CA8: variants seen among roughly 807,000 people sequenced by gnomAD.
CA8 encodes carbonic anhydrase-related protein.
In CA8, 22 loss-of-function variants were observed where a neutral mutation model predicts 41.4. The observed-to-expected ratio is 0.53, with a 90% CI of 0.38 to 0.76. The LOEUF is 0.76. Ranked by LOEUF, CA8 falls within the 30% of genes least tolerant of loss-of-function variation. CA8 has a pLI of 0.00. For missense variants in CA8, 270 were observed against 352.8 expected (o/e 0.77, Z 1.88); for synonymous variants, 121 against 130.6 (o/e 0.93, Z 0.50).
chr8:60,192,975 A>ACACACACACCCC (rs1554573983), intron 8 of CA8, among the ~76,000 whole-genome samples: 1 of 137,370 alleles, frequency 7.3e-6, no homozygotes, highest in East Asian at 2.1e-4. Flanking sequence ...ACACACACAC[A>ACACACACACCCC]CCCCACCCCA....
chr8:60,232,372 A>ACTG lies in CA8; in HGVS notation c.424_425insCAG (p.Leu142delinsProVal). 1 of 1,612,768 alleles carries ACTG rather than the reference A, an allele frequency of 6.2e-7. No homozygotes were observed. The highest frequency in any genetic ancestry group is 8.5e-7 in the Non-Finnish European group (1 of 1,178,716). On this transcript the variant is annotated protein_altering_variant, in exon 4 of 9. Coordinates refer to ENST00000317995, the MANE Select transcript of CA8 (RefSeq NM_004056.6). ...AAACAGAGTGGAGTTCCAGTGGATC[A>ACTG]GATGGAGCTGAGTGAGTGGCAACAG...
intron 2 of CA8, among the ~76,000 whole-genome samples, chr8:60,274,357 T>C (rs1804161862): frequency 6.6e-6 from 1 of 151,810 alleles, no homozygotes; most frequent in Non-Finnish European, 1.5e-5. Context: ...TGGGCGGCGG[T>C]AGGGGGGTGG....
intron 3 of CA8, among the ~76,000 whole-genome samples, chr8:60,255,844 TAAC>T (rs1320849641): frequency 1.3e-5 from 2 of 152,198 alleles, no homozygotes; most frequent in Non-Finnish European, 2.9e-5. Context: ...AGCTTTTGTT[TAAC>T]AACATTTTCC....
At position 60,185,794 on chromosome 8, in the gene CA8, TA is replaced by T; in HGVS notation, c.*4226del. 6.6e-6 allele frequency among the ~76,000 whole-genome samples: 1 copy of T among 151,602 alleles called. No homozygotes were observed. Among genetic ancestry groups the T allele is most frequent in the Non-Finnish European group, 1.5e-5 (1 of 67,872 alleles). On this transcript the variant is annotated 3_prime_UTR_variant, in exon 9 of 9. Transcript: ENST00000317995. ...AGATTTGCCTTATATAAAAATATAT[TA>T]AAAAAAGGACTTCTGCCTGGAATGA... is the stretch of plus-strand genomic sequence containing the variant.
chr8:60,264,122 G>A (rs1288525622), intron 3 of CA8, among the ~76,000 whole-genome samples: 5 of 152,276 alleles, frequency 3.3e-5, no homozygotes, highest in Admixed American at 6.5e-5. Flanking sequence ...CTGCTGAAAC[G>A]TCACCAAGTA....
chr8:60,225,167 G>C (rs1179951680), intron 5 of CA8, among the ~76,000 whole-genome samples: 1 of 152,012 alleles, frequency 6.6e-6, no homozygotes, highest in Non-Finnish European at 1.5e-5. Context: ...AATTTCAAGG[G>C]AATCATTTGT....
intron 4 of CA8, among the ~76,000 whole-genome samples, chr8:60,231,197 A>G (rs930901346): frequency 2.0e-5 from 3 of 152,202 alleles, no homozygotes; most frequent in African/African-American, 7.2e-5. Flanking sequence ...TTCTAGTTAT[A>G]TAACGCCGTT....
At chr8:60,212,966 T>C (rs535150745) in intron 7 of CA8, among the ~76,000 whole-genome samples, 3 of 152,298 alleles carry the variant, frequency 2.0e-5, no homozygotes, top group East Asian at 1.9e-4. Context: ...ATGGTACTAA[T>C]CAAATTAAAA....
chr8:60,228,358 A>G (rs1807513399), intron 4 of CA8, among the ~76,000 whole-genome samples: 1 of 152,158 alleles, frequency 6.6e-6, no homozygotes, highest in African/African-American at 2.4e-5. Flanking sequence ...CCCATTCTTC[A>G]GGAGAAATGG....
intron 3 of CA8, among the ~76,000 whole-genome samples, chr8:60,233,384 T>A (rs934783460): frequency 2.6e-5 from 4 of 152,176 alleles, no homozygotes; most frequent in Non-Finnish European, 5.9e-5. Flanking sequence ...TTTACCCAGG[T>A]AGAATCTGAT....
In CA8 at chr8:60,226,900, A is replaced by G. The variant is rs1210896790; in HGVS notation, c.549T>C (p.Thr183=). 6.2e-7 allele frequency: 1 copy of G among 1,601,192 alleles called. No homozygotes were observed. ...TATACTGAATATCTTGGAGGATTTC[A>G]GTCACAGCCTTCAAGCCAACATGTT... ...GKEHVGLKAV[T]EILQDIQYKG... Residue 183 remains threonine (T), a synonymous_variant, in exon 5 of 9, where the codon ACT becomes ACC. Coordinates refer to ENST00000317995, the MANE Select transcript of CA8 (RefSeq NM_004056.6).
intron 2 of CA8, among the ~76,000 whole-genome samples, chr8:60,270,497 C>T (rs1341868414): frequency 6.6e-6 from 1 of 151,614 alleles, no homozygotes; most frequent in East Asian, 1.9e-4. Context: ...CTCACTGCAA[C>T]CTCCGCCTCC....
At chr8:60,238,357 T>C (rs553839038) in intron 3 of CA8, among the ~76,000 whole-genome samples, 1 of 152,226 alleles carries the variant, frequency 6.6e-6, no homozygotes, top group East Asian at 1.9e-4. Context: ...AAGGCAATTA[T>C]GACTCACAAA....
At chr8:60,265,885 C>T in intron 3 of CA8, 40 bp downstream of exon 3, 1 of 1,606,028 alleles carries the variant, frequency 6.2e-7, no homozygotes, top group Non-Finnish European at 8.5e-7. Context: ...ATACTTTATT[C>T]AGAAAACAAG....
chr8:60,222,115 G>A (rs2130465433), intron 7 of CA8, among the ~76,000 whole-genome samples: 1 of 152,300 alleles, frequency 6.6e-6, no homozygotes, highest in South Asian at 2.1e-4. Flanking sequence ...TCAGTTGGAT[G>A]CTCCCACCCA....
intron 8 of CA8, among the ~76,000 whole-genome samples, chr8:60,190,476 T>C (rs1806088126): frequency 8.6e-6 from 1 of 116,092 alleles, no homozygotes; most frequent in Non-Finnish European, 1.8e-5. Flanking sequence ...TATATATATA[T>C]GACAATAGTA....
chr8:60,209,197 TG>T (rs1285853618), intron 7 of CA8, among the ~76,000 whole-genome samples: 3 of 152,140 alleles, frequency 2.0e-5, no homozygotes, highest in African/African-American at 7.2e-5. Context: ...AATGTAAAAA[TG>T]ATACAGGCCG....
At chr8:60,279,537 T>C in intron 2 of CA8, 152 bp downstream of exon 2, 1 of 673,218 alleles carries the variant, frequency 1.5e-6, no homozygotes, top group Non-Finnish European at 2.5e-6. Context: ...AGAAGGTAAT[T>C]CCCAAAAATG....
chr8:60,199,175 A>T (rs1014519796), intron 8 of CA8, among the ~76,000 whole-genome samples: 1 of 152,204 alleles, frequency 6.6e-6, no homozygotes, highest in Non-Finnish European at 1.5e-5. Flanking sequence ...ATAGTATTCC[A>T]ACTCAGTTAA....
Sources: allele counts gnomAD v4.1 joint callset (sites outside exome capture counted in the v4.1 genomes callset), GRCh38; gene constraint gnomAD v4.1.1; transcripts MANE v1.5; gene names NCBI Gene and HGNC (gene_info 2026-07-23, HGNC 2026-07-21).